CFAP95: variants seen among roughly 807,000 people sequenced by gnomAD.
CFAP95 encodes the protein cilia and flagella associated protein 95, also known as cilia- and flagella-associated protein 95.
chr9:69,836,129 G>GA, the CFAP95 span, among the ~76,000 whole-genome samples: 1 of 152,310 alleles, frequency 6.6e-6, no homozygotes, highest in Admixed American at 6.5e-5. Context: ...GCCTTCTTAT[G>GA]AAAGGTGGTA....
the CFAP95 span, among the ~76,000 whole-genome samples, chr9:69,843,610 TTCTTCTTCTTCTTCTTCTTCC>T: frequency 5.6e-3 from 394 of 69,814 alleles, 56 homozygotes; most frequent in African/African-American, 0.023. Context: ...CTTCTTCTTC[TTCTTCTTCTTCTTCTTCTTCC>T]TCCTCCTCCT....
the CFAP95 span, among the ~76,000 whole-genome samples, chr9:69,852,172 T>G: frequency 6.6e-6 from 1 of 152,088 alleles, no homozygotes; most frequent in Non-Finnish European, 1.5e-5. Flanking sequence ...TATATTTTTT[T>G]TTTTTTGGCA....
the CFAP95 span, among the ~76,000 whole-genome samples, chr9:69,867,383 C>T: frequency 6.6e-6 from 1 of 152,160 alleles, no homozygotes; most frequent in Non-Finnish European, 1.5e-5. Context: ...ATTACAGTAG[C>T]CATTCAAGTT....
At chr9:69,853,809 G>A in the CFAP95 span, among the ~76,000 whole-genome samples, 41 of 152,184 alleles carry the variant, frequency 2.7e-4, no homozygotes, top group Non-Finnish European at 2.1e-4. Context: ...TGTATTGTCA[G>A]AGACCAATTC....
At chr9:69,886,196 G>A in the CFAP95 span, among the ~76,000 whole-genome samples, 2 of 152,102 alleles carry the variant, frequency 1.3e-5, no homozygotes, top group African/African-American at 4.8e-5. Context: ...TTGTGTTCAA[G>A]TAACCCTTAT....
At chr9:69,821,448 A>C in the CFAP95 span, among the ~76,000 whole-genome samples, 2 of 152,016 alleles carry the variant, frequency 1.3e-5, no homozygotes, top group Non-Finnish European at 2.9e-5. Context: ...GGGTGTGTAT[A>C]AATAGGGGGT....
chr9:69,888,831 T>C, the CFAP95 span, among the ~76,000 whole-genome samples: 1 of 151,962 alleles, frequency 6.6e-6, no homozygotes, highest in African/African-American at 2.4e-5. Context: ...TGAGCAGAGA[T>C]TGTGCCACTG....
chr9:69,824,469 A>G, the CFAP95 span, among the ~76,000 whole-genome samples: 2 of 152,174 alleles, frequency 1.3e-5, no homozygotes, highest in African/African-American at 2.4e-5. Flanking sequence ...CATGTTCCCA[A>G]CTGAGGTCAA....
the CFAP95 span, among the ~76,000 whole-genome samples, chr9:69,850,023 A>G: frequency 6.6e-6 from 1 of 152,178 alleles, no homozygotes. Context: ...GGATCCTCAC[A>G]ACACTACCAA....
chr9:69,893,790 T>G, the CFAP95 span, among the ~76,000 whole-genome samples: 1 of 152,212 alleles, frequency 6.6e-6, no homozygotes, highest in Non-Finnish European at 1.5e-5. Context: ...TTACTTTCAT[T>G]TTAGTGCTAT....
At chr9:69,894,818 T>C in the CFAP95 span, among the ~76,000 whole-genome samples, 1 of 152,112 alleles carries the variant, frequency 6.6e-6, no homozygotes, top group Non-Finnish European at 1.5e-5. Flanking sequence ...TCCCAGTACT[T>C]TGGAAGGCTG....
At chr9:69,877,833 T>A in the CFAP95 span, among the ~76,000 whole-genome samples, 75 of 152,346 alleles carry the variant, frequency 4.9e-4, no homozygotes, top group African/African-American at 1.8e-3. Context: ...AGTGCATTAT[T>A]GAATAGAAAT....
chr9:69,862,920 G>A, the CFAP95 span, among the ~76,000 whole-genome samples: 1 of 152,152 alleles, frequency 6.6e-6, no homozygotes, highest in Non-Finnish European at 1.5e-5. Context: ...CAGCTAGAAT[G>A]TTTGACACCA....
At chr9:69,843,557 C>CTT in the CFAP95 span, among the ~76,000 whole-genome samples, 7 of 14,720 alleles carry the variant, frequency 4.8e-4, 2 homozygotes, top group South Asian at 0.016. Flanking sequence ...TCCTCCTCCT[C>CTT]CTTCTTCTTC....
the CFAP95 span, among the ~76,000 whole-genome samples, chr9:69,827,474 G>A: frequency 6.6e-6 from 1 of 152,140 alleles, no homozygotes; most frequent in Non-Finnish European, 1.5e-5. Flanking sequence ...GCTTGTTTTA[G>A]GTTAAAATAG....
At chr9:69,856,377 A>G in the CFAP95 span, among the ~76,000 whole-genome samples, 3 of 152,202 alleles carry the variant, frequency 2.0e-5, no homozygotes, top group African/African-American at 7.2e-5. Flanking sequence ...GCATCCAGTA[A>G]TTGCTATTTT....
the CFAP95 span, among the ~76,000 whole-genome samples, chr9:69,853,065 C>T: frequency 6.6e-6 from 1 of 152,150 alleles, no homozygotes. Context: ...AATACACCTT[C>T]CTTCACTGTG....
the CFAP95 span, among the ~76,000 whole-genome samples, chr9:69,843,826 A>G: frequency 1.3e-5 from 2 of 151,208 alleles, no homozygotes; most frequent in Non-Finnish European, 2.9e-5. Flanking sequence ...TTTTTTGTAG[A>G]GATGGGGTCT....
the CFAP95 span, among the ~76,000 whole-genome samples, chr9:69,845,833 T>C: frequency 6.6e-6 from 1 of 152,182 alleles, no homozygotes; most frequent in East Asian, 1.9e-4. Context: ...TCTTGCTCCA[T>C]AGCCCAGATC....
Sources: gnomAD v4.1 joint callset for allele counts (sites outside exome capture counted in the v4.1 genomes callset) on GRCh38, gnomAD v4.1.1 for gene constraint, MANE v1.5 for transcripts, NCBI Gene and HGNC (gene_info 2026-07-23, HGNC 2026-07-21) for gene names.